Variants in SMU1 observed in about 807,000 individuals in gnomAD.
The protein encoded by SMU1 is SMU1 DNA replication regulator and spliceosomal factor.
Under a neutral mutation model 62.0 loss-of-function variants are expected in SMU1, and 2 were observed. That is an observed-to-expected ratio of 0.03 (90% CI 0.01 to 0.10). SMU1 has a LOEUF of 0.10. Among genes scored for constraint, SMU1 ranks in the 10% least tolerant of loss-of-function variants. SMU1 has a pLI of 1.00. For missense variants in SMU1, 227 were observed against 622.1 expected, an observed-to-expected ratio of 0.36 and a Z score of 6.76; for synonymous variants, 188 against 212.4, an observed-to-expected ratio of 0.89 and a Z score of 1.00.
At chr9:33,068,164 A>G (rs1051430609) in intron 4 of SMU1, among the ~76,000 whole-genome samples, 1 of 152,218 alleles carries the variant, frequency 6.6e-6, no homozygotes, top group African/African-American at 2.4e-5. Flanking sequence ...TAGCTGGTAA[A>G]TGAGAAAGCC....
intron 1 of SMU1, among the ~76,000 whole-genome samples, chr9:33,074,464 G>A (rs1269767567): frequency 6.6e-6 from 1 of 151,226 alleles, no homozygotes; most frequent in Non-Finnish European, 1.5e-5. Context: ...AAAAAAATTA[G>A]CTAGGCATGA....
intron 10 of SMU1, among the ~76,000 whole-genome samples, chr9:33,051,431 AC>A (rs1839247878): frequency 6.6e-6 from 1 of 152,144 alleles, no homozygotes; most frequent in African/African-American, 2.4e-5. Flanking sequence ...AACATACAAC[AC>A]CAAGAGTGAA....
intron 6 of SMU1, among the ~76,000 whole-genome samples, chr9:33,059,425 A>G (rs2119434630): frequency 6.6e-6 from 1 of 151,516 alleles, no homozygotes; most frequent in East Asian, 2.0e-4. Context: ...TCAGTTGTAC[A>G]TATAACCCCT....
intron 11 of SMU1, among the ~76,000 whole-genome samples, chr9:33,047,660 C>G (rs1206409273): frequency 6.6e-6 from 1 of 152,018 alleles, no homozygotes; most frequent in Non-Finnish European, 1.5e-5. Context: ...GAGTTCAAGA[C>G]CAGCCTGGCC....
At chr9:33,048,300 T>A in intron 10 of SMU1, 42 bp from the exon 11 acceptor site, 3 of 1,610,810 alleles carry the variant, frequency 1.9e-6, no homozygotes, top group Non-Finnish European at 8.5e-7. Context: ...TCAGGATTAG[T>A]AGCAGCTCAA....
At chr9:33,056,291 T>C (rs1332361471) in intron 8 of SMU1, 52 bp from the exon 9 acceptor site, 2 of 1,539,632 alleles carry the variant, frequency 1.3e-6, no homozygotes, top group Non-Finnish European at 1.8e-6. Flanking sequence ...TATCTTATGG[T>C]TGTGACCAAC....
intron 3 of SMU1, among the ~76,000 whole-genome samples, chr9:33,069,699 G>A (rs1471513960): frequency 2.0e-5 from 3 of 152,326 alleles, no homozygotes; most frequent in Middle Eastern, 3.4e-3. Context: ...CTACTCGGGA[G>A]GCTGAGGCAG....
rs1163382738 is a variant in SMU1, at chr9:33,042,007, C to CAATA, written c.*5282_*5285dup. ...TTAGGGTGATGACATTTTGGAAATA[C>CAATA]AATAGTGGTTGCGTAACATCGTAAA... On this transcript the variant is annotated 3_prime_UTR_variant, in exon 12 of 12. Coordinates refer to ENST00000397149, the MANE Select transcript of SMU1 (RefSeq NM_018225.3). The CAATA allele has an allele frequency of 6.6e-6, 1 of 152,214 alleles. No individual in the cohort carries two copies. Among genetic ancestry groups the CAATA allele is most frequent in the Non-Finnish European group, 1.5e-5 (1 of 68,028 alleles). 9.4% of individuals were successfully genotyped at this position (152,214 alleles called of 1,614,324 possible).
intron 3 of SMU1, among the ~76,000 whole-genome samples, chr9:33,069,181 C>T (rs1393084741): frequency 6.6e-6 from 1 of 152,130 alleles, no homozygotes; most frequent in African/African-American, 2.4e-5. Flanking sequence ...ATTATTTTTT[C>T]ACTGAGTTCC....
chr9:33,051,974 G>A (rs977132824), intron 10 of SMU1, among the ~76,000 whole-genome samples: 2 of 145,522 alleles, frequency 1.4e-5, no homozygotes, highest in Non-Finnish European at 3.0e-5. Context: ...CCGAGATCAC[G>A]CCATTGCACT....
At chr9:33,076,337 G>C (rs1400192905) in intron 1 of SMU1, among the ~76,000 whole-genome samples, 2 of 152,200 alleles carry the variant, frequency 1.3e-5, no homozygotes, top group Non-Finnish European at 2.9e-5. Context: ...ACAGAACTTA[G>C]GTCTGCAAGG....
At chr9:33,060,615 ATT>A (rs754233156) in intron 5 of SMU1, 31 bp from the exon 6 acceptor site, 50 of 1,604,910 alleles carry the variant, frequency 3.1e-5, no homozygotes, top group Non-Finnish European at 4.2e-5. Flanking sequence ...AAACAGATGC[ATT>A]TTTATCTAGT....
intron 6 of SMU1, among the ~76,000 whole-genome samples, chr9:33,060,188 T>A (rs888053336): frequency 1.9e-4 from 28 of 149,110 alleles, no homozygotes; most frequent in Non-Finnish European, 3.0e-4. Context: ...TAAAAAAAAA[T>A]TTTTTTTGGT....
In SMU1 at chr9:33,047,486, T is replaced by A. The variant is rs1839199442; in HGVS notation, c.1444-95A>T. ...GGTGGGTGGAAGGGAAAAAGAGATC[T>A]TGGGAGGCCACATATTCCAAATGGC... On this transcript the variant is annotated intron_variant, in intron 11 of 11. Coordinates refer to ENST00000397149, the MANE Select transcript of SMU1 (RefSeq NM_018225.3). 6 of 906,130 alleles carry A rather than the reference T, an allele frequency of 6.6e-6. No homozygotes were observed. In the South Asian group the frequency reaches 1.0e-4, roughly 15 times the overall value. The allele number at this position is 906,130 out of a possible 1,614,324, so 56.1% of individuals were successfully genotyped here. A position where few individuals can be genotyped will look rare whatever the true frequency, so the allele number is the denominator to read the frequency against.
rs1039036477 is a variant in SMU1, at chr9:33,073,924, T to C, written c.27-118A>G. ...CACTACTATTTCTTTATCATGTGAG[T>C]AAAATTTTCCAAAATCACAGAATCT... On this transcript the variant is annotated intron_variant, in intron 1 of 11. Transcript: ENST00000397149. The C allele has an allele frequency of 1.4e-4, 132 of 968,542 alleles. 1 individual carries two copies. Among genetic ancestry groups the C allele is most frequent in the Middle Eastern group, 8.1e-4 (3 of 3,686 alleles). 60.0% of individuals were successfully genotyped at this position (968,542 alleles called of 1,614,324 possible). A position where few individuals can be genotyped will look rare whatever the true frequency, so the allele number is the denominator to read the frequency against.
intron 4 of SMU1, among the ~76,000 whole-genome samples, chr9:33,064,754 TTTAA>T (rs1429364076): frequency 6.6e-6 from 1 of 151,806 alleles, no homozygotes; most frequent in Non-Finnish European, 1.5e-5. Context: ...TTTTTTTTTT[TTTAA>T]TTGAGACAGA....
rs1352870961 is a variant in SMU1 at position 33,043,243 on chromosome 9, G to GA, written c.*4049dup. ...GAAAATGAAGCTGTAAAAGCACAGTGAATGAGAACACTAGCAAGCTATGGC... is the reference window on the plus strand; with the variant it reads ...GAAAATGAAGCTGTAAAAGCACAGTGAAATGAGAACACTAGCAAGCTATGGC... On this transcript the variant is annotated 3_prime_UTR_variant, in exon 12 of 12. Coordinates refer to ENST00000397149, the MANE Select transcript of SMU1 (RefSeq NM_018225.3). The GA allele has an allele frequency of 6.6e-6, 1 of 152,198 alleles. No homozygotes were observed. The highest frequency in any genetic ancestry group is 2.4e-5 in the African/African-American group (1 of 41,442). 9.4% of individuals were successfully genotyped at this position (152,198 alleles called of 1,614,324 possible).
At position 33,073,755 on chromosome 9, in the gene SMU1, C is replaced by T. The variant is rs762668912; in HGVS notation, c.78G>A (p.Ala26=). The change falls in exon 2 of 12, where the codon GCG becomes GCA. Residue 26 remains alanine (A), a synonymous_variant. Coordinates refer to ENST00000397149, the MANE Select transcript of SMU1 (RefSeq NM_018225.3). ...QYLKENSLHR[A]LATLQEETTV... Reference sequence around the variant, plus strand: ...TAGTCTCCTCCTGCAAGGTGGCTAACGCCCGATGTAAACTGTTCTCCTTCA... The same window carrying T: ...TAGTCTCCTCCTGCAAGGTGGCTAATGCCCGATGTAAACTGTTCTCCTTCA... 8.1e-5 allele frequency: 131 copies of T among 1,614,102 alleles called. 1 individual carries two copies. The highest frequency in any genetic ancestry group is 2.2e-4 in the South Asian group (20 of 91,090).
intron 9 of SMU1, among the ~76,000 whole-genome samples, chr9:33,054,142 TACAA>T (rs748050444): frequency 2.0e-5 from 3 of 151,470 alleles, no homozygotes; most frequent in African/African-American, 4.8e-5. Flanking sequence ...TAAAATAAAA[TACAA>T]ACAAACAAAA....
Sources: allele counts gnomAD v4.1 joint callset (sites outside exome capture counted in the v4.1 genomes callset), GRCh38; gene constraint gnomAD v4.1.1; transcripts MANE v1.5; gene names NCBI Gene and HGNC (gene_info 2026-07-23, HGNC 2026-07-21).